The following ITPR2 variants were observed in gnomAD, a reference collection of about 807,000 sequenced individuals.
The protein encoded by ITPR2 is inositol 1,4,5-trisphosphate receptor type 2, also known as inositol 1,4,5-trisphosphate-gated calcium channel ITPR2.
ITPR2 carries 207 observed loss-of-function variants against 317.1 expected under a neutral mutation model. That is an observed-to-expected ratio of 0.65 (90% confidence interval 0.58 to 0.73). The LOEUF (loss-of-function observed/expected upper bound fraction) is 0.73. ITPR2 is among the 30% of genes least tolerant of loss of function. The probability of loss-of-function intolerance (pLI) is 0.00; values close to 1 mark genes in which losing one functional copy is unlikely to be tolerated. For synonymous variants in ITPR2, 1,156 were observed against 1,149.1 expected (o/e 1.01, Z -0.12); for missense variants, 2,613 against 3,284.0 (o/e 0.80, Z 4.99).
intron 9 of ITPR2, among the ~76,000 whole-genome samples, chr12:26,704,047 A>T (rs1948503465): frequency 6.6e-6 from 1 of 152,248 alleles, no homozygotes; most frequent in South Asian, 2.1e-4. Context: ...CTGTGGCATT[A>T]TCCAGAATCA....
chr12:26,780,616 C>T (rs377425256), intron 2 of ITPR2, among the ~76,000 whole-genome samples: 17 of 151,952 alleles, frequency 1.1e-4, no homozygotes, highest in Non-Finnish European at 1.5e-4. Flanking sequence ...AACTAGGTGA[C>T]GATACTTTGC....
In ITPR2 at chr12:26,665,963, T is replaced by C. The variant is rs1287616443; in HGVS notation, c.1498A>G (p.Lys500Glu). The change falls in exon 14 of 57, where the codon AAG (lysine) becomes GAG (glutamate). Residue 500 changes from lysine to glutamate, a missense_variant. Transcript: ENST00000381340. ...AATTTTTGACGCTCTCGGTTTGGCT[T>C]AGTGATAACCACATCCAGAACTTCT... Reference protein sequence around the residue: ...GQEVLDVVITKPNRERQKLMR... With the variant: ...GQEVLDVVITEPNRERQKLMR... 2 of 1,613,876 alleles carry C rather than the reference T, an allele frequency of 1.2e-6. No individual in the cohort carries two copies.
chr12:26,423,735 T>C (rs1025688731), intron 49 of ITPR2, among the ~76,000 whole-genome samples: 3 of 152,314 alleles, frequency 2.0e-5, no homozygotes, highest in South Asian at 2.1e-4. Flanking sequence ...TAATTTCTAT[T>C]ACCAATGCAA....
chr12:26,717,454 G>A (rs1479032044), intron 5 of ITPR2, among the ~76,000 whole-genome samples: 1 of 152,186 alleles, frequency 6.6e-6, no homozygotes, highest in Non-Finnish European at 1.5e-5. Flanking sequence ...AACAAAGAAA[G>A]GTTGTGCTTT....
intron 37 of ITPR2, among the ~76,000 whole-genome samples, chr12:26,535,792 TC>T (rs944455234): frequency 7.2e-5 from 11 of 152,314 alleles, no homozygotes; most frequent in African/African-American, 2.6e-4. Context: ...CATAAGAAAA[TC>T]TTTTTTTGTT....
chr12:26,695,700 T>G, intron 9 of ITPR2, 50 bp from the exon 10 acceptor site: 1 of 1,181,554 alleles, frequency 8.5e-7, no homozygotes, highest in Non-Finnish European at 1.3e-6. Context: ...AAAAGCACAC[T>G]AACAAGACCA....
intron 21 of ITPR2, among the ~76,000 whole-genome samples, chr12:26,649,793 A>ATAGC (rs1947200612): frequency 6.7e-6 from 1 of 148,564 alleles, no homozygotes; most frequent in Non-Finnish European, 1.5e-5. Context: ...AGATAGATAG[A>ATAGC]TAGATAGATA....
At position 26,583,512 on chromosome 12, in the gene ITPR2, AAAG is replaced by A. The variant is rs1188143886; in HGVS notation, c.4381-3360_4381-3358del. 8.5e-5 allele frequency among the ~76,000 whole-genome samples: 13 copies of A among 152,238 alleles called. No individual in the cohort carries two copies. The East Asian group carries it at 2.5e-3, about 29-fold the overall frequency. ...ATTACTATTTATTAATATTTAATAT[AAAG>A]AAGAAAAAAACTCCCTCTTAAAAAG... On this transcript the variant is annotated intron_variant, in intron 32 of 56. Transcript: ENST00000381340.
intron 23 of ITPR2, among the ~76,000 whole-genome samples, chr12:26,624,816 C>G (rs2136815169): frequency 6.6e-6 from 1 of 151,002 alleles, no homozygotes; most frequent in South Asian, 2.1e-4. Flanking sequence ...ACCATATGAT[C>G]CAGTAATTCT....
chr12:26,620,654 T>C (rs1946470740), intron 26 of ITPR2, among the ~76,000 whole-genome samples: 1 of 152,202 alleles, frequency 6.6e-6, no homozygotes, highest in Non-Finnish European at 1.5e-5. Context: ...AGATTTTTGG[T>C]ATTTTCATAC....
chr12:26,427,352 T>C (rs754823743), intron 49 of ITPR2, among the ~76,000 whole-genome samples: 5 of 152,156 alleles, frequency 3.3e-5, no homozygotes, highest in Middle Eastern at 3.2e-3. Flanking sequence ...CACTTGCTTT[T>C]TGAAATACTA....
intron 1 of ITPR2, among the ~76,000 whole-genome samples, chr12:26,801,609 A>T (rs1950556909): frequency 6.6e-6 from 1 of 152,116 alleles, no homozygotes; most frequent in African/African-American, 2.4e-5. Context: ...GGGTCTTTGT[A>T]TCATTGGTTC....
chr12:26,672,259 A>G (rs1475770001), intron 13 of ITPR2, among the ~76,000 whole-genome samples: 2 of 151,102 alleles, frequency 1.3e-5, no homozygotes, highest in African/African-American at 4.9e-5. Flanking sequence ...TGTTTTCAGC[A>G]CCACACCACA....
chr12:26,739,712 T>C (rs984780098), intron 2 of ITPR2, among the ~76,000 whole-genome samples: 19 of 152,170 alleles, frequency 1.2e-4, no homozygotes, highest in African/African-American at 4.6e-4. Flanking sequence ...GTGATTTAAG[T>C]ATTGGCTGCA....
chr12:26,557,531 A>G (rs899588891), intron 35 of ITPR2, among the ~76,000 whole-genome samples: 1 of 152,182 alleles, frequency 6.6e-6, no homozygotes, highest in Non-Finnish European at 1.5e-5. Context: ...ACTGCTCTCA[A>G]GGCAGCTTGA....
At chr12:26,403,453 A>G (rs1940245132) in intron 52 of ITPR2, among the ~76,000 whole-genome samples, 1 of 152,180 alleles carries the variant, frequency 6.6e-6, no homozygotes, top group South Asian at 2.1e-4. Context: ...AGCATGTGGT[A>G]AAAGACACAG....
At chr12:26,717,466 G>A (rs1428844032) in intron 5 of ITPR2, among the ~76,000 whole-genome samples, 3 of 152,194 alleles carry the variant, frequency 2.0e-5, no homozygotes, top group Non-Finnish European at 4.4e-5. Flanking sequence ...TTGTGCTTTG[G>A]TTTGTGGAAA....
chr12:26,483,648 C>T, intron 42 of ITPR2, 50 bp downstream of exon 42: 1 of 1,373,392 alleles, frequency 7.3e-7, no homozygotes, highest in Non-Finnish European at 1.0e-6. Context: ...AGATTGGCTC[C>T]TTCCCCAAAT....
At chr12:26,737,478 C>T (rs1949146095) in intron 2 of ITPR2, among the ~76,000 whole-genome samples, 1 of 152,148 alleles carries the variant, frequency 6.6e-6, no homozygotes. Flanking sequence ...TGGTCTCAAA[C>T]TCCTGACCTC....
Sources: gnomAD v4.1 joint callset for allele counts (sites outside exome capture counted in the v4.1 genomes callset) on GRCh38, gnomAD v4.1.1 for gene constraint, MANE v1.5 for transcripts, NCBI Gene and HGNC (gene_info 2026-07-23, HGNC 2026-07-21) for gene names.